Variants in ATP2C1 observed in about 807,000 individuals in gnomAD.
The protein encoded by ATP2C1 is calcium-transporting ATPase type 2C member 1.
A neutral mutation model predicts 120.5 loss-of-function variants in ATP2C1; 31 were observed. That is an observed-to-expected ratio of 0.26 (90% CI 0.19 to 0.35). ATP2C1 has a LOEUF of 0.35. Among genes scored for constraint, ATP2C1 ranks in the 10% least tolerant of loss-of-function variants. The pLI is 1.00. For synonymous variants in ATP2C1, 351 were observed against 358.7 expected, an observed-to-expected ratio of 0.98 and a Z score of 0.24; for missense variants, 731 against 1,107.5, an observed-to-expected ratio of 0.66 and a Z score of 4.83.
rs144688255 is a variant in ATP2C1 at position 130,948,784 on chromosome 3, A to G, written c.532-5037A>G. 1.3e-4 allele frequency among the ~76,000 whole-genome samples: 20 copies of G among 152,252 alleles called. No individual in the cohort carries two copies. In the East Asian group the frequency reaches 2.5e-3, roughly 19 times the overall value. On this transcript the variant is annotated intron_variant, in intron 8 of 27. Transcript: ENST00000510168. ...CCATTTTTCCAACAGCATGGTGCTT[A>G]CTTTGTATCTCTGTGTCACATTTTG... is the stretch of plus-strand genomic sequence containing the variant.
intron 8 of ATP2C1, among the ~76,000 whole-genome samples, chr3:130,950,694 G>A (rs2060334699): frequency 1.3e-5 from 2 of 152,136 alleles, no homozygotes; most frequent in Admixed American, 6.5e-5. Flanking sequence ...AGTTTTAGTT[G>A]CAAATTTATA....
chr3:131,013,400 G>A (rs1390111767), intron 26 of ATP2C1, among the ~76,000 whole-genome samples: 2 of 152,150 alleles, frequency 1.3e-5, no homozygotes, highest in East Asian at 3.8e-4. Context: ...AGTATAAAGA[G>A]GGCATAGGGT....
At chr3:130,930,840 T>G (rs2108348978) in intron 3 of ATP2C1, among the ~76,000 whole-genome samples, 1 of 152,268 alleles carries the variant, frequency 6.6e-6, no homozygotes, top group East Asian at 1.9e-4. Flanking sequence ...CTCTAGAACA[T>G]AATAGCTTTT....
In ATP2C1 at chr3:130,918,766, C is replaced by T. The variant is rs112190421; in HGVS notation, c.7-11650C>T. On this transcript the variant is annotated intron_variant, in intron 2 of 27. Coordinates refer to ENST00000510168, the MANE Select transcript of ATP2C1 (RefSeq NM_001378687.1). ...CAGCACTTTGGGAGGCCGAGGCGGG[C>T]GGATCATGAGGTCAGGAGATCGAGA... 5.1e-4 allele frequency: 193 copies of T among 378,548 alleles called. 6 individuals are homozygous for T. Among genetic ancestry groups the T allele is most frequent in the South Asian group, 4.1e-3 (185 of 45,636 alleles). 23.4% of individuals were successfully genotyped at this position (378,548 alleles called of 1,614,324 possible). A position where few individuals can be genotyped will look rare whatever the true frequency, so the allele number is the denominator to read the frequency against.
intron 5 of ATP2C1, among the ~76,000 whole-genome samples, chr3:130,936,935 A>T (rs957806388): frequency 6.6e-6 from 1 of 151,982 alleles, no homozygotes; most frequent in African/African-American, 2.4e-5. Flanking sequence ...CCTGAACAAT[A>T]TGTTATAGTA....
chr3:130,896,478 A>AT (rs538181548), intron 2 of ATP2C1, among the ~76,000 whole-genome samples: 57 of 151,410 alleles, frequency 3.8e-4, no homozygotes, highest in African/African-American at 9.0e-4. Context: ...CTATCGTCAC[A>AT]TTTTTTTTTA....
At chr3:130,924,004 C>T (rs376438911) in intron 2 of ATP2C1, among the ~76,000 whole-genome samples, 3 of 151,934 alleles carry the variant, frequency 2.0e-5, no homozygotes, top group South Asian at 2.1e-4. Context: ...ATCCTTGGTT[C>T]GTGGATTTTT....
chr3:130,921,937 A>T (rs2058986177), intron 2 of ATP2C1, among the ~76,000 whole-genome samples: 1 of 151,996 alleles, frequency 6.6e-6, no homozygotes, highest in African/African-American at 2.4e-5. Flanking sequence ...TTTTTGTTAT[A>T]TTCTTCCCTT....
At chr3:130,850,957 A>G in intron 1 of ATP2C1, 3 of 1,195,080 alleles carry the variant, frequency 2.5e-6, no homozygotes, top group Non-Finnish European at 3.3e-6. Flanking sequence ...TATCTTTAAA[A>G]TGAACGGGTG....
intron 20 of ATP2C1, among the ~76,000 whole-genome samples, chr3:130,988,268 T>G (rs1274059133): frequency 1.3e-5 from 2 of 152,230 alleles, no homozygotes; most frequent in Non-Finnish European, 1.5e-5. Context: ...TCTTTTTTTT[T>G]GTAACTTCCT....
At chr3:130,988,484 C>A (rs1302280582) in intron 20 of ATP2C1, among the ~76,000 whole-genome samples, 2 of 152,180 alleles carry the variant, frequency 1.3e-5, no homozygotes, top group South Asian at 2.1e-4. Context: ...CCAACTGTCA[C>A]AACTGGATCA....
At chr3:130,969,518 G>A in intron 17 of ATP2C1, 122 bp downstream of exon 17, 1 of 728,502 alleles carries the variant, frequency 1.4e-6, no homozygotes, top group Non-Finnish European at 2.5e-6. Context: ...TAAAGTACAT[G>A]TAATTAATAG....
intron 2 of ATP2C1, among the ~76,000 whole-genome samples, chr3:130,916,481 C>A (rs180678742): frequency 3.3e-5 from 5 of 151,940 alleles, no homozygotes; most frequent in African/African-American, 1.2e-4. Context: ...AGGACGGGCC[C>A]AAAAGGTGAT....
intron 2 of ATP2C1, among the ~76,000 whole-genome samples, chr3:130,924,666 C>A (rs960654804): frequency 5.9e-5 from 9 of 152,122 alleles, no homozygotes; most frequent in Non-Finnish European, 1.0e-4. Flanking sequence ...AATATGTTTT[C>A]CAAACTTTCA....
intron 26 of ATP2C1, among the ~76,000 whole-genome samples, chr3:131,010,629 T>C (rs956285336): frequency 6.6e-6 from 1 of 152,198 alleles, no homozygotes; most frequent in Non-Finnish European, 1.5e-5. Context: ...TTCTGGTCTT[T>C]TTTCATTATT....
intron 2 of ATP2C1, among the ~76,000 whole-genome samples, chr3:130,903,641 C>T (rs1171343354): frequency 6.6e-6 from 1 of 151,306 alleles, no homozygotes; most frequent in Non-Finnish European, 1.5e-5. Context: ...TTTCCTTCTG[C>T]CCCTTCCTCC....
At chr3:130,915,403 C>T (rs2058641954) in intron 2 of ATP2C1, among the ~76,000 whole-genome samples, 1 of 152,088 alleles carries the variant, frequency 6.6e-6, no homozygotes, top group South Asian at 2.1e-4. Context: ...CTAATTCATT[C>T]TTAATTATAA....
intron 17 of ATP2C1, among the ~76,000 whole-genome samples, 189 bp downstream of exon 17, chr3:130,969,585 A>G (rs1576927097): frequency 6.6e-6 from 1 of 152,310 alleles, no homozygotes; most frequent in East Asian, 1.9e-4. Flanking sequence ...TATAGAATCC[A>G]TGCATAGATA....
At chr3:130,936,306 A>G (rs1230724834) in intron 5 of ATP2C1, among the ~76,000 whole-genome samples, 1 of 152,230 alleles carries the variant, frequency 6.6e-6, no homozygotes, top group Non-Finnish European at 1.5e-5. Flanking sequence ...AATATTTCCC[A>G]GAAGACCAAT....
Sources: allele counts gnomAD v4.1 joint callset (sites outside exome capture counted in the v4.1 genomes callset), GRCh38; gene constraint gnomAD v4.1.1; transcripts MANE v1.5; gene names NCBI Gene and HGNC (gene_info 2026-07-23, HGNC 2026-07-21).